AKAP7: variants seen among roughly 807,000 people sequenced by gnomAD.
AKAP7 encodes the protein A-kinase anchoring protein 7, also known as A kinase (PRKA) anchor protein 7.
AKAP7 carries 39 observed loss-of-function variants against 39.5 expected under a neutral mutation model. The ratio of observed to expected loss-of-function variants is 0.99; its 90% CI spans 0.76 to 1.29. The LOEUF is 1.29. AKAP7 is among the 50% of genes most tolerant of loss of function. AKAP7 has a pLI of 0.00. For missense variants in AKAP7, 414 were observed against 407.7 expected, an observed-to-expected ratio of 1.02 and a Z score of -0.13; for synonymous variants, 140 against 139.1, an observed-to-expected ratio of 1.01 and a Z score of -0.05.
At chr6:131,240,293 C>T (rs184021501) in intron 7 of AKAP7, among the ~76,000 whole-genome samples, 3 of 152,300 alleles carry the variant, frequency 2.0e-5, no homozygotes, top group East Asian at 1.9e-4. Flanking sequence ...AGTACCCGGC[C>T]GTGTGAGGTG....
intron 2 of AKAP7, among the ~76,000 whole-genome samples, chr6:131,147,474 A>G (rs1801572106): frequency 6.6e-6 from 1 of 152,210 alleles, no homozygotes. Context: ...GAGCAGAACC[A>G]TGTTTGTGAG....
chr6:131,246,645 G>T (rs1562241302), intron 7 of AKAP7, among the ~76,000 whole-genome samples: 1 of 152,078 alleles, frequency 6.6e-6, no homozygotes, highest in Non-Finnish European at 1.5e-5. Flanking sequence ...GTTTTTCCAA[G>T]ATGTGGCAGG....
intron 5 of AKAP7, among the ~76,000 whole-genome samples, chr6:131,179,041 C>G (rs79419629): frequency 0.1 from 15,584 of 152,092 alleles, 1,045 homozygotes; most frequent in South Asian, 0.24. Flanking sequence ...TCTCAAATGT[C>G]ACCACTTCAG....
At chr6:131,197,818 A>C (rs1272579832) in intron 5 of AKAP7, among the ~76,000 whole-genome samples, 2 of 152,182 alleles carry the variant, frequency 1.3e-5, no homozygotes, top group East Asian at 1.9e-4. Flanking sequence ...CAAAGGAATG[A>C]GAAAAGACAA....
chr6:131,237,022 G>GTATGATATTGGC (rs1452726701), intron 7 of AKAP7, among the ~76,000 whole-genome samples: 1 of 152,138 alleles, frequency 6.6e-6, no homozygotes, highest in Non-Finnish European at 1.5e-5. Flanking sequence ...TGTCCATTCA[G>GTATGATATTGGC]TATGATATTG....
At chr6:131,127,537 A>G in the AKAP7 span, among the ~76,000 whole-genome samples, 1 of 152,248 alleles carries the variant, frequency 6.6e-6, no homozygotes, top group East Asian at 1.9e-4. Context: ...AAATCATTAG[A>G]GCAAAGAAAT....
At chr6:131,200,681 A>G (rs1807470005) in intron 6 of AKAP7, 1 of 152,146 alleles carries the variant, frequency 6.6e-6, no homozygotes, top group Non-Finnish European at 1.5e-5. Flanking sequence ...CATTGCCACA[A>G]ATTTAGTAAT....
rs116277780 is a variant in AKAP7, at chr6:131,167,909, G to A, written c.429-1204G>A. ...AATCACTGATCAAAATAATTTAAAC[G>A]AATAGCAATCCACTGGAAGGGTGTT... is the stretch of plus-strand genomic sequence containing the variant. On this transcript the variant is annotated intron_variant, in intron 4 of 7. Transcript: ENST00000431975. Among the ~76,000 whole-genome samples the A allele has an allele frequency of 3.9e-3, 597 of 152,088 alleles. 3 individuals are homozygous for A. The highest frequency in any genetic ancestry group is 0.014 in the African/African-American group (574 of 41,484).
chr6:131,185,000 C>T lies in AKAP7; in HGVS notation c.590-14461C>T, dbSNP rs1805687384. On this transcript the variant is annotated intron_variant, in intron 5 of 7. Transcript: ENST00000431975. ...CACAGTACTCATCATCGAGGTCATC[C>T]AGGAAGTCATCTGGTTCTAGGATCC... The T allele has an allele frequency of 3.9e-6, 3 of 760,356 alleles. No homozygotes were observed. The South Asian group carries it at 4.1e-5, about 10-fold the overall frequency. 47.1% of individuals were successfully genotyped at this position (760,356 alleles called of 1,614,324 possible).
chr6:131,145,658 C>G (rs1327532057), intron 2 of AKAP7, among the ~76,000 whole-genome samples: 1 of 152,128 alleles, frequency 6.6e-6, no homozygotes, highest in African/African-American at 2.4e-5. Context: ...ATCCTCCCAC[C>G]TCAGCTTCCT....
intron 2 of AKAP7, among the ~76,000 whole-genome samples, chr6:131,152,089 G>GC (rs151087138): frequency 0.11 from 16,201 of 152,234 alleles, 990 homozygotes; most frequent in Middle Eastern, 0.2. Flanking sequence ...GCCTTTGTCA[G>GC]CAAGACCAGA....
intron 5 of AKAP7, among the ~76,000 whole-genome samples, chr6:131,192,726 C>T (rs2128274416): frequency 6.6e-6 from 1 of 152,168 alleles, no homozygotes; most frequent in South Asian, 2.1e-4. Flanking sequence ...CATGGAATAT[C>T]TTTACATTTT....
At chr6:131,176,790 T>C (rs1008052157) in intron 5 of AKAP7, among the ~76,000 whole-genome samples, 1 of 152,174 alleles carries the variant, frequency 6.6e-6, no homozygotes, top group Non-Finnish European at 1.5e-5. Context: ...GCTCTATTAC[T>C]ACATGAAGTC....
intron 7 of AKAP7, among the ~76,000 whole-genome samples, chr6:131,274,459 C>G (rs9492888): frequency 0.035 from 5,328 of 152,140 alleles, 259 homozygotes; most frequent in East Asian, 0.17. Flanking sequence ...CTGCATCTAC[C>G]ATGGTTCATA....
intron 2 of AKAP7, among the ~76,000 whole-genome samples, chr6:131,157,223 C>T (rs1802501155): frequency 6.6e-6 from 1 of 152,146 alleles, no homozygotes; most frequent in Admixed American, 6.5e-5. Context: ...TTAACTGACT[C>T]AATCCTCAAA....
At chr6:131,197,566 T>C (rs1278370749) in intron 5 of AKAP7, among the ~76,000 whole-genome samples, 1 of 152,204 alleles carries the variant, frequency 6.6e-6, no homozygotes, top group Non-Finnish European at 1.5e-5. Flanking sequence ...CTTTTTTCTT[T>C]ATGTTTTCTT....
At chr6:131,232,520 A>G (rs1810705973) in intron 7 of AKAP7, among the ~76,000 whole-genome samples, 1 of 152,192 alleles carries the variant, frequency 6.6e-6, no homozygotes, top group Non-Finnish European at 1.5e-5. Flanking sequence ...ACAGTGCTTG[A>G]CATACAGTGT....
intron 5 of AKAP7, among the ~76,000 whole-genome samples, chr6:131,177,792 A>G (rs1446631477): frequency 3.3e-5 from 5 of 152,228 alleles, no homozygotes; most frequent in Non-Finnish European, 7.3e-5. Context: ...CTTAATTACT[A>G]TGCTATTCTG....
chr6:131,186,764 G>T (rs1482770352), intron 5 of AKAP7, among the ~76,000 whole-genome samples: 1 of 151,888 alleles, frequency 6.6e-6, no homozygotes, highest in Non-Finnish European at 1.5e-5. Flanking sequence ...AAGTGATTTA[G>T]GACCCCAAAA....
Sources: gnomAD v4.1 joint callset for allele counts (sites outside exome capture counted in the v4.1 genomes callset) on GRCh38, gnomAD v4.1.1 for gene constraint, MANE v1.5 for transcripts, NCBI Gene and HGNC (gene_info 2026-07-23, HGNC 2026-07-21) for gene names.